Variants in RLN3 observed in about 807,000 individuals in gnomAD.
RLN3 encodes the protein relaxin-3.
Under a neutral mutation model 10.2 loss-of-function variants are expected in RLN3, and 13 were observed. The ratio of observed to expected loss-of-function variants is 1.28; its 90% CI spans 0.83 to 2.03. RLN3 has a LOEUF of 2.03. RLN3 is among the 30% of genes most tolerant of loss of function. The probability of loss-of-function intolerance (pLI) is 0.00; values close to 1 mark genes in which losing one functional copy is unlikely to be tolerated. For missense variants in RLN3, 191 were observed against 187.2 expected (o/e 1.02, Z -0.12); for synonymous variants, 56 against 79.2 (o/e 0.71, Z 1.56).
intron 1 of RLN3, among the ~76,000 whole-genome samples, chr19:14,029,583 T>C (rs1975766112): frequency 6.6e-6 from 1 of 151,736 alleles, no homozygotes; most frequent in Non-Finnish European, 1.5e-5. Context: ...ACTCCTGACC[T>C]CAGGTGATCC....
intron 1 of RLN3, 118 bp from the exon 2 acceptor site, chr19:14,030,592 A>T: frequency 1.1e-6 from 1 of 947,914 alleles, no homozygotes; most frequent in Middle Eastern, 2.1e-4. Context: ...GTGGAATAAA[A>T]ACTCTGAACT....
chr19:14,030,834 C>G lies in RLN3; in HGVS notation c.315C>G (p.Pro105=). Residue 105 remains proline (P), a synonymous_variant, in exon 2 of 2, where the codon CCC becomes CCG. Transcript: ENST00000431365. ...CCCAGGCCTTTTACAGGGGGCGACC[C>G]AGCTGGCAAGGAACCCCTGGGGTTC... ...KSPQAFYRGR[P]SWQGTPGVLR... is the part of the protein sequence containing the mutation. 6.2e-7 allele frequency: 1 copy of G among 1,613,676 alleles called. No homozygotes were observed. The highest frequency in any genetic ancestry group is 8.5e-7 in the Non-Finnish European group (1 of 1,179,676).
chr19:14,030,663 G>A (rs771080841), intron 1 of RLN3, 47 bp from the exon 2 acceptor site: 2 of 1,475,548 alleles, frequency 1.4e-6, no homozygotes, highest in South Asian at 2.3e-5. Flanking sequence ...GACTGTGGGT[G>A]CAGCAGCAGC....
In RLN3 at chr19:14,028,407, A is replaced by C; in HGVS notation, c.190+13A>C. 1 of 1,602,096 alleles carries C rather than the reference A, an allele frequency of 6.2e-7. No homozygotes were observed. Among genetic ancestry groups the C allele is most frequent in the Non-Finnish European group, 8.5e-7 (1 of 1,173,904 alleles). On this transcript the variant is annotated intron_variant, in intron 1 of 1. Transcript: ENST00000431365. ...CACGAGGCTATGGGTGAGGCTGGGG[A>C]GAGAGTGGATGTAGAAGGGGAACAG... is the stretch of plus-strand genomic sequence containing the variant.
Position 14,030,398 on chromosome 19 carries a change from G to A in RLN3, c.191-312G>A, listed in dbSNP as rs1240107010. On this transcript the variant is annotated intron_variant, in intron 1 of 1. Transcript: ENST00000431365. ...GACAGGGCTGGGTGCGGTGGCTCAC[G>A]CCTGTAATCCCAGCACTTTGGGTGG... 5 of 699,420 alleles carry A rather than the reference G, an allele frequency of 7.1e-6. No homozygotes were observed. The East Asian group carries it at 8.1e-5, about 11-fold the overall frequency. The allele number at this position is 699,420 out of a possible 1,614,324, so 43.3% of individuals were successfully genotyped here. A position where few individuals can be genotyped will look rare whatever the true frequency, so the allele number is the denominator to read the frequency against.
intron 1 of RLN3, 41 bp from the exon 2 acceptor site, chr19:14,030,669 G>C (rs1175551841): frequency 6.5e-7 from 1 of 1,534,504 alleles, no homozygotes; most frequent in South Asian, 1.1e-5. Context: ...GGGTGCAGCA[G>C]CAGCTGAGCC....
chr19:14,028,436 G>A (rs1212486109), intron 1 of RLN3, 42 bp downstream of exon 1: 6 of 1,554,772 alleles, frequency 3.9e-6, no homozygotes, highest in Admixed American at 1.8e-5. Flanking sequence ...GGAACAGGTG[G>A]CTGGATGGGT....
At chr19:14,029,049 G>T (rs1975759256) in intron 1 of RLN3, among the ~76,000 whole-genome samples, 1 of 151,998 alleles carries the variant, frequency 6.6e-6, no homozygotes, top group Non-Finnish European at 1.5e-5. Context: ...TAAGTGCTGA[G>T]ATTAGAGTCT....
At chr19:14,030,364 G>A (rs754701240) in intron 1 of RLN3, 1 of 691,814 alleles carries the variant, frequency 1.4e-6, no homozygotes, top group East Asian at 2.7e-5. Flanking sequence ...AGAGTAAGGA[G>A]AAATAAATGA....
chr19:14,030,870 C>T lies in RLN3; in HGVS notation c.351C>T (p.Ser117=), dbSNP rs1225227553. 6.2e-7 allele frequency: 1 copy of T among 1,610,242 alleles called. No homozygotes were observed. Among genetic ancestry groups the T allele is most frequent in the Non-Finnish European group, 8.5e-7 (1 of 1,177,270 alleles). ...WQGTPGVLRG[S]RDVLAGLSSS... Reference sequence around the variant, plus strand: ...GAACCCCTGGGGTTCTTCGGGGCAGCCGAGATGTCCTGGCTGGCCTTTCCA... The same window carrying T: ...GAACCCCTGGGGTTCTTCGGGGCAGTCGAGATGTCCTGGCTGGCCTTTCCA... The change falls in exon 2 of 2, where the codon AGC becomes AGT. Residue 117 remains serine, a synonymous_variant. Transcript: ENST00000431365.
intron 1 of RLN3, among the ~76,000 whole-genome samples, chr19:14,029,094 T>C (rs916376207): frequency 6.6e-6 from 1 of 152,050 alleles, no homozygotes; most frequent in Non-Finnish European, 1.5e-5. Flanking sequence ...GAGACACAGT[T>C]CCTGAATCTT....
chr19:14,031,223 G>A lies in RLN3; in HGVS notation c.*275G>A. 1 of 432,976 alleles carries A rather than the reference G, an allele frequency of 2.3e-6. No homozygotes were observed. The highest frequency in any genetic ancestry group is 4.1e-6 in the Non-Finnish European group (1 of 241,094). 26.8% of individuals were successfully genotyped at this position (432,976 alleles called of 1,614,324 possible). ...CATCCTGACCCCTGACCTCTCCCCA[G>A]CCCTAACCATGCGTTTGCCTGGCCT... On this transcript the variant is annotated 3_prime_UTR_variant, in exon 2 of 2. Transcript: ENST00000431365.
At position 14,028,330 on chromosome 19, in the gene RLN3, A is replaced by C; in HGVS notation, c.126A>C (p.Ala42=). Residue 42 remains alanine, a synonymous_variant, in exon 1 of 2, where the codon GCA becomes GCC. Coordinates refer to ENST00000431365, the MANE Select transcript of RLN3 (RefSeq NM_080864.4). ...VRLCGREFIR[A]VIFTCGGSRW... is the part of the protein sequence containing the mutation. ...TTTGCGGCCGAGAATTCATCCGAGC[A>C]GTCATCTTCACCTGCGGGGGCTCCC... 6.2e-7 allele frequency: 1 copy of C among 1,613,928 alleles called. No homozygotes were observed. The highest frequency in any genetic ancestry group is 8.5e-7 in the Non-Finnish European group (1 of 1,179,988).
chr19:14,030,690 ACT>A lies in RLN3; in HGVS notation c.191-17_191-16del, dbSNP rs772935788. 184 of 1,605,600 alleles carry A rather than the reference ACT, an allele frequency of 1.1e-4. 3 individuals are homozygous for A. In the South Asian group the frequency reaches 2.0e-3, roughly 17 times the overall value. ...AGCAGCAGCTGAGCCCTGATCACTA[ACT>A]CTGTTCATCTTTTGCAGGAGATACC... is the stretch of plus-strand genomic sequence containing the variant. On this transcript the variant is annotated intron_variant, in intron 1 of 1. Transcript: ENST00000431365.
rs922868660 is a variant in RLN3, at chr19:14,030,245, A to G, written c.191-465A>G. 1.4e-5 allele frequency: 10 copies of G among 702,650 alleles called. No homozygotes were observed. The East Asian group carries it at 1.9e-4, about 13-fold the overall frequency. 43.5% of individuals were successfully genotyped at this position (702,650 alleles called of 1,614,324 possible). A position where few individuals can be genotyped will look rare whatever the true frequency, so the allele number is the denominator to read the frequency against. ...GTAATTATTTTTTTCCACTTTGCAG[A>G]AAAGAACATTGAGGCTCCAAGAAGT... On this transcript the variant is annotated intron_variant, in intron 1 of 1. Transcript: ENST00000431365.
rs570849696 is a variant in RLN3 at position 14,028,277 on chromosome 19, G to A, written c.73G>A (p.Ala25Thr). The A allele has an allele frequency of 1.9e-6, 3 of 1,613,784 alleles. No individual in the cohort carries two copies. The highest frequency in any genetic ancestry group is 1.1e-5 in the South Asian group (1 of 91,056). ...CGGGGAGCTGTGGCCGGGAGCTGAG[G>A]CCCGGGCAGCGCCTTACGGGGTCAG... is the stretch of plus-strand genomic sequence containing the variant. ...LTGELWPGAE[A>T]RAAPYGVRLC... The change falls in exon 1 of 2, where the codon GCC (alanine) becomes ACC (threonine). Residue 25 changes from alanine (A) to threonine (T), a missense_variant. Ala to Thr is a moderately conservative substitution (Grantham distance 58). Coordinates refer to ENST00000431365, the MANE Select transcript of RLN3 (RefSeq NM_080864.4).
chr19:14,029,971 G>T (rs907638034), intron 1 of RLN3, among the ~76,000 whole-genome samples: 1 of 151,930 alleles, frequency 6.6e-6, no homozygotes, highest in African/African-American at 2.4e-5. Context: ...GGGACTACAG[G>T]CTTGTGCCAA....
chr19:14,030,149 T>C (rs1354592837), intron 1 of RLN3: 1 of 621,620 alleles, frequency 1.6e-6, no homozygotes, highest in Non-Finnish European at 2.9e-6. Flanking sequence ...GTGCTCATCA[T>C]GTTCCAGACA....
intron 1 of RLN3, 102 bp from the exon 2 acceptor site, chr19:14,030,608 T>A (rs1849531779): frequency 1.9e-6 from 2 of 1,034,206 alleles, no homozygotes; most frequent in Admixed American, 1.7e-5. Flanking sequence ...GAACTATGTC[T>A]ATGACTGTTG....
Sources: allele counts gnomAD v4.1 joint callset (sites outside exome capture counted in the v4.1 genomes callset), GRCh38; gene constraint gnomAD v4.1.1; transcripts MANE v1.5; gene names NCBI Gene and HGNC (gene_info 2026-07-23, HGNC 2026-07-21).